KCTD3: variants seen among roughly 807,000 people sequenced by gnomAD.
The protein encoded by KCTD3 is BTB/POZ domain-containing protein KCTD3.
KCTD3 carries 41 observed loss-of-function variants against 85.8 expected under a neutral mutation model. The ratio of observed to expected loss-of-function variants is 0.48; its 90% confidence interval spans 0.37 to 0.62. KCTD3 has a LOEUF of 0.62. KCTD3 is among the 20% of genes least tolerant of loss of function. The pLI is 0.00. For missense variants in KCTD3, 724 were observed against 989.9 expected, an observed-to-expected ratio of 0.73 and a Z score of 3.60; for synonymous variants, 338 against 345.4, an observed-to-expected ratio of 0.98 and a Z score of 0.24.
intron 7 of KCTD3, 139 bp downstream of exon 7, chr1:215,579,276 C>T (rs1659712099): frequency 1.6e-6 from 1 of 630,748 alleles, no homozygotes; most frequent in South Asian, 2.1e-5. Flanking sequence ...GGAAAGGTCT[C>T]ATTTAACACT....
At position 215,577,819 on chromosome 1, in the gene KCTD3, T is replaced by G. The variant is rs1019898817; in HGVS notation, c.316+91T>G. 3.9e-5 allele frequency: 50 copies of G among 1,280,512 alleles called. No homozygotes were observed. In the Admixed American group the frequency reaches 8.5e-4, roughly 22 times the overall value. The allele number at this position is 1,280,512 out of a possible 1,614,324, so 79.3% of individuals were successfully genotyped here. On this transcript the variant is annotated intron_variant, in intron 5 of 17. Transcript: ENST00000259154. ...ATGTGTTTATATCAGGTCCTAATTT[T>G]TGATGGACTTGTTCAGTGCTTAGTT...
At chr1:215,582,512 A>G (rs1353045721) in intron 8 of KCTD3, among the ~76,000 whole-genome samples, 1 of 152,028 alleles carries the variant, frequency 6.6e-6, no homozygotes. Context: ...AACAGAGCAT[A>G]TTCTTGTTTT....
chr1:215,619,631 A>G (rs994300089), intron 17 of KCTD3, among the ~76,000 whole-genome samples: 20 of 152,186 alleles, frequency 1.3e-4, no homozygotes, highest in African/African-American at 4.6e-4. Context: ...CTCAGGGACA[A>G]TATTTATCTG....
At position 215,604,315 on chromosome 1, in the gene KCTD3, C is replaced by T. The variant is rs757336248; in HGVS notation, c.1309+13C>T. ...CATCTTGTATCAGGTAAAATGATTT[C>T]ATTATACTGGTAAGGAACTTGGCTC... On this transcript the variant is annotated intron_variant, in intron 13 of 17. Coordinates refer to ENST00000259154, the MANE Select transcript of KCTD3 (RefSeq NM_016121.5). The T allele has an allele frequency of 5.8e-5, 93 of 1,601,596 alleles. No homozygotes were observed. Among genetic ancestry groups the T allele is most frequent in the Non-Finnish European group, 7.7e-5 (90 of 1,169,686 alleles).
rs761807792 is a variant in KCTD3 at position 215,604,119 on chromosome 1, T to G, written c.1139-13T>G. 9 of 1,591,926 alleles carry G rather than the reference T, an allele frequency of 5.7e-6. No homozygotes were observed. The highest frequency in any genetic ancestry group is 7.7e-6 in the Non-Finnish European group (9 of 1,171,210). On this transcript the variant is annotated splice_polypyrimidine_tract_variant and intron_variant, in intron 12 of 17. Coordinates refer to ENST00000259154, the MANE Select transcript of KCTD3 (RefSeq NM_016121.5). ...CCATAATGTATCACCTGTCAACTCT[T>G]GACTTTATATAGGTGTCAGTGGTAA...
chr1:215,619,967 A>G (rs1299484267), intron 17 of KCTD3, 90 bp from the exon 18 acceptor site: 2 of 876,298 alleles, frequency 2.3e-6, no homozygotes, highest in Non-Finnish European at 3.4e-6. Flanking sequence ...ATGTATTTAT[A>G]TAGTGTGTTT....
intron 1 of KCTD3, among the ~76,000 whole-genome samples, chr1:215,568,923 T>G (rs910429861): frequency 3.3e-5 from 5 of 152,036 alleles, no homozygotes; most frequent in Non-Finnish European, 7.4e-5. Flanking sequence ...TTATGGAGAT[T>G]TATGTCTCCT....
chr1:215,593,161 G>A (rs189197315), intron 9 of KCTD3, among the ~76,000 whole-genome samples: 281 of 152,238 alleles, frequency 1.8e-3, no homozygotes, highest in African/African-American at 6.4e-3. Context: ...CCCTAAAATT[G>A]TATACAACGT....
At chr1:215,614,419 A>G (rs1176187137) in intron 15 of KCTD3, among the ~76,000 whole-genome samples, 1 of 152,194 alleles carries the variant, frequency 6.6e-6, no homozygotes, top group Non-Finnish European at 1.5e-5. Context: ...TAGCATGGCC[A>G]TTTTAACAAT....
At chr1:215,613,293 G>A (rs146908156) in intron 15 of KCTD3, among the ~76,000 whole-genome samples, 41 of 152,282 alleles carry the variant, frequency 2.7e-4, no homozygotes, top group Non-Finnish European at 1.3e-4. Context: ...TGTGATCTCA[G>A]CTCACTGCAA....
intron 10 of KCTD3, 113 bp downstream of exon 10, chr1:215,595,584 T>C (rs929506781): frequency 4.7e-6 from 3 of 644,408 alleles, no homozygotes; most frequent in African/African-American, 3.6e-5. Flanking sequence ...TATACAAATA[T>C]TGAATAAATG....
Position 215,621,360 on chromosome 1 carries a change from G to A in KCTD3, c.*742G>A, listed in dbSNP as rs550204553. ...AATAATCAAGGGCAAAGCTTTGAGT[G>A]CCCAGAAGGGAAAGCTGTACCAGTT... On this transcript the variant is annotated 3_prime_UTR_variant, in exon 18 of 18. Transcript: ENST00000259154. The A allele has an allele frequency of 6.6e-6, 1 of 152,154 alleles. No homozygotes were observed. The highest frequency in any genetic ancestry group is 6.5e-5 in the Admixed American group (1 of 15,268). 9.4% of individuals were successfully genotyped at this position (152,154 alleles called of 1,614,324 possible). A position where few individuals can be genotyped will look rare whatever the true frequency, so the allele number is the denominator to read the frequency against.
At chr1:215,570,339 T>C (rs1659313755) in intron 1 of KCTD3, among the ~76,000 whole-genome samples, 1 of 151,934 alleles carries the variant, frequency 6.6e-6, no homozygotes, top group African/African-American at 2.4e-5. Context: ...ATTCAGAAAG[T>C]AGAGTAGATG....
In KCTD3 at chr1:215,595,419, C is replaced by T. The variant is rs142437046; in HGVS notation, c.881C>T (p.Thr294Met). The change falls in exon 10 of 18, where the codon ACG (threonine) becomes ATG (methionine). Residue 294 changes from threonine to methionine, a missense_variant. Coordinates refer to ENST00000259154, the MANE Select transcript of KCTD3 (RefSeq NM_016121.5). Reference protein sequence around the residue: ...LFFIGNQLVATSHTGKVGVWN... With the variant: ...LFFIGNQLVAMSHTGKVGVWN... The stretch of plus-strand genomic sequence containing the variant: ...TTTATTGGTAACCAGTTGGTGGCCA[C>T]GAGTCATACAGGGAAAGTGGGAGTG... The T allele has an allele frequency of 3.7e-6, 6 of 1,613,634 alleles. No homozygotes were observed. The highest frequency in any genetic ancestry group is 2.7e-5 in the African/African-American group (2 of 74,876).
intron 4 of KCTD3, among the ~76,000 whole-genome samples, chr1:215,576,896 A>G (rs949259906): frequency 6.6e-6 from 1 of 152,152 alleles, no homozygotes; most frequent in Admixed American, 6.5e-5. Context: ...TTAATGTTAA[A>G]CTAGTCATAA....
At chr1:215,592,656 A>G (rs1558236166) in intron 9 of KCTD3, among the ~76,000 whole-genome samples, 1 of 152,186 alleles carries the variant, frequency 6.6e-6, no homozygotes, top group East Asian at 1.9e-4. Flanking sequence ...AGCTGGTACA[A>G]TAGTAATTTG....
intron 15 of KCTD3, among the ~76,000 whole-genome samples, chr1:215,614,385 T>C (rs1655354168): frequency 6.6e-6 from 1 of 152,188 alleles, no homozygotes; most frequent in Non-Finnish European, 1.5e-5. Flanking sequence ...TTGATAAGAA[T>C]AGCATTGATG....
chr1:215,620,637 AGTT>A lies in KCTD3; in HGVS notation c.*23_*25del, dbSNP rs757731294. ...CTTGTGAAAACTCACCAAAATGAAT[AGTT>A]GTTTCGTTACATTTAGATGAAAGTT... On this transcript the variant is annotated 3_prime_UTR_variant, in exon 18 of 18. Transcript: ENST00000259154. The A allele has an allele frequency of 2.0e-6, 3 of 1,506,328 alleles. No homozygotes were observed. Among genetic ancestry groups the A allele is most frequent in the Non-Finnish European group, 2.7e-6 (3 of 1,113,080 alleles). 93.3% of individuals were successfully genotyped at this position (1,506,328 alleles called of 1,614,324 possible). A position where few individuals can be genotyped will look rare whatever the true frequency, so the allele number is the denominator to read the frequency against.
At chr1:215,573,658 A>T in intron 1 of KCTD3, 128 bp from the exon 2 acceptor site, 1 of 560,214 alleles carries the variant, frequency 1.8e-6, no homozygotes, top group Non-Finnish European at 3.2e-6. Context: ...ACTGTAATAA[A>T]TATATTGGTA....
Sources: allele counts gnomAD v4.1 joint callset (sites outside exome capture counted in the v4.1 genomes callset), GRCh38; gene constraint gnomAD v4.1.1; transcripts MANE v1.5; gene names NCBI Gene and HGNC (gene_info 2026-07-23, HGNC 2026-07-21).